The following MAMDC2 variants were observed in gnomAD, a reference collection of about 807,000 sequenced individuals.
The protein encoded by MAMDC2 is MAM domain-containing protein 2.
Under a neutral mutation model 89.8 loss-of-function variants are expected in MAMDC2, and 57 were observed. The observed-to-expected ratio is 0.63, with a 90% confidence interval of 0.51 to 0.79. MAMDC2 has a LOEUF of 0.79. Among genes scored for constraint, MAMDC2 ranks in the 30% least tolerant of loss-of-function variants. The pLI is 0.00. For synonymous variants in MAMDC2, 313 were observed against 293.4 expected, an observed-to-expected ratio of 1.07 and a Z score of -0.68; for missense variants, 800 against 820.6, an observed-to-expected ratio of 0.97 and a Z score of 0.31.
At chr9:70,111,156 C>T (rs1828502115) in intron 4 of MAMDC2, among the ~76,000 whole-genome samples, 1 of 152,174 alleles carries the variant, frequency 6.6e-6, no homozygotes, top group African/African-American at 2.4e-5. Flanking sequence ...AGTCAGACAC[C>T]TCTGGTGGAG....
chr9:70,200,746 TCTC>T (rs925411804), intron 11 of MAMDC2, among the ~76,000 whole-genome samples: 2 of 149,372 alleles, frequency 1.3e-5, no homozygotes, highest in Non-Finnish European at 3.0e-5. Flanking sequence ...GGTTTGTAGT[TCTC>T]CTTGAAGAGG....
intron 5 of MAMDC2, among the ~76,000 whole-genome samples, chr9:70,119,990 T>C (rs939677681): frequency 6.6e-6 from 1 of 152,192 alleles, no homozygotes; most frequent in African/African-American, 2.4e-5. Flanking sequence ...TGGCTGACCA[T>C]CTGTGAATCC....
At chr9:70,108,916 G>A (rs976952985) in intron 3 of MAMDC2, among the ~76,000 whole-genome samples, 6 of 152,168 alleles carry the variant, frequency 3.9e-5, no homozygotes, top group African/African-American at 1.4e-4. Context: ...CTTTAAAAGA[G>A]AAAAGATACT....
intron 5 of MAMDC2, among the ~76,000 whole-genome samples, chr9:70,124,147 G>A (rs888852791): frequency 1.4e-4 from 22 of 152,194 alleles, no homozygotes; most frequent in Non-Finnish European, 7.3e-5. Context: ...GAGAACATGG[G>A]GGTGAGGGGC....
At chr9:70,174,770 G>C (rs1019078986) in intron 11 of MAMDC2, among the ~76,000 whole-genome samples, 1 of 151,332 alleles carries the variant, frequency 6.6e-6, no homozygotes, top group Admixed American at 6.6e-5. Context: ...TGTCGCCCAG[G>C]CTGGAGTGCT....
intron 6 of MAMDC2, among the ~76,000 whole-genome samples, chr9:70,127,202 A>G (rs1587495473): frequency 6.6e-6 from 1 of 152,312 alleles, no homozygotes. Context: ...TTATCTCCGT[A>G]TTTACACACA....
intron 11 of MAMDC2, among the ~76,000 whole-genome samples, chr9:70,181,742 A>C (rs1445020530): frequency 2.6e-5 from 4 of 152,188 alleles, no homozygotes; most frequent in Non-Finnish European, 4.4e-5. Context: ...TTATCAGCTT[A>C]AGGAGTTTTT....
intron 9 of MAMDC2, chr9:70,157,524 T>C (rs1275973337): frequency 2.6e-5 from 4 of 152,586 alleles, no homozygotes; most frequent in Admixed American, 1.3e-4. Flanking sequence ...CTAGTAGAAG[T>C]CTCTCTCCAG....
chr9:70,145,599 C>G (rs1395015770), intron 9 of MAMDC2, among the ~76,000 whole-genome samples: 1 of 152,086 alleles, frequency 6.6e-6, no homozygotes, highest in African/African-American at 2.4e-5. Flanking sequence ...CACATACAAG[C>G]AAATACCAGA....
chr9:70,058,030 T>A (rs1390667137), intron 2 of MAMDC2, among the ~76,000 whole-genome samples: 1 of 152,224 alleles, frequency 6.6e-6, no homozygotes, highest in Admixed American at 6.5e-5. Flanking sequence ...TTGCTAAAAA[T>A]AAGCTCAAAG....
intron 5 of MAMDC2, among the ~76,000 whole-genome samples, chr9:70,117,779 AG>A (rs150903651): frequency 0.22 from 33,889 of 152,088 alleles, 4,004 homozygotes; most frequent in East Asian, 0.38. Context: ...TCTGCATTAA[AG>A]AAAGCTAAAC....
chr9:70,189,925 G>A (rs924632037), intron 11 of MAMDC2, among the ~76,000 whole-genome samples: 31 of 151,654 alleles, frequency 2.0e-4, no homozygotes, highest in African/African-American at 6.5e-4. Context: ...TCTGTAATTC[G>A]TACATGGTTC....
chr9:70,070,379 C>G (rs10868475), intron 2 of MAMDC2, among the ~76,000 whole-genome samples: 79,404 of 152,036 alleles, frequency 0.52, 24,012 homozygotes, highest in Non-Finnish European at 0.67. Flanking sequence ...AGGAATCACC[C>G]TCTTTTTTGG....
At chr9:70,148,679 G>A (rs1308929387) in intron 9 of MAMDC2, among the ~76,000 whole-genome samples, 1 of 149,736 alleles carries the variant, frequency 6.7e-6, no homozygotes, top group African/African-American at 2.5e-5. Flanking sequence ...CATATCATCT[G>A]AGGTCAGGAG....
intron 2 of MAMDC2, among the ~76,000 whole-genome samples, chr9:70,098,253 C>A (rs542204339): frequency 1.1e-4 from 16 of 152,242 alleles, no homozygotes; most frequent in Non-Finnish European, 1.9e-4. Flanking sequence ...AACCCTTTAT[C>A]TTCATGTTGC....
chr9:70,117,797 C>A (rs527684094), intron 5 of MAMDC2, among the ~76,000 whole-genome samples: 5 of 152,248 alleles, frequency 3.3e-5, no homozygotes, highest in African/African-American at 7.2e-5. Flanking sequence ...AAACAGATTT[C>A]TTTATTTCAG....
intron 7 of MAMDC2, among the ~76,000 whole-genome samples, chr9:70,136,119 C>T (rs959444373): frequency 6.6e-6 from 1 of 152,164 alleles, no homozygotes; most frequent in African/African-American, 2.4e-5. Flanking sequence ...CCAGTGCACT[C>T]CAGCCTGGAC....
intron 3 of MAMDC2, 98 bp downstream of exon 3, chr9:70,108,580 C>T (rs1379371517): frequency 9.4e-7 from 1 of 1,062,274 alleles, no homozygotes; most frequent in African/African-American, 1.6e-5. Flanking sequence ...TTAGTTATCT[C>T]CTGGATTATG....
intron 11 of MAMDC2, among the ~76,000 whole-genome samples, chr9:70,204,940 C>T (rs1046231891): frequency 1.3e-4 from 20 of 152,242 alleles, no homozygotes; most frequent in Non-Finnish European, 2.4e-4. Context: ...CACCCACTGG[C>T]CTGCCCCCAC....
Sources: gnomAD v4.1 joint callset for allele counts (sites outside exome capture counted in the v4.1 genomes callset) on GRCh38, gnomAD v4.1.1 for gene constraint, MANE v1.5 for transcripts, NCBI Gene and HGNC (gene_info 2026-07-23, HGNC 2026-07-21) for gene names.